The following GPHN variants were observed in gnomAD, a reference collection of about 807,000 sequenced individuals.
GPHN encodes the protein gephyrin.
A neutral mutation model predicts 95.5 loss-of-function variants in GPHN; 17 were observed. The ratio of observed to expected loss-of-function variants is 0.18; its 90% CI spans 0.12 to 0.27. The LOEUF is 0.27. Among genes scored for constraint, GPHN ranks in the 10% least tolerant of loss-of-function variants. The pLI, the probability that GPHN is intolerant of heterozygous loss-of-function variation, is 1.00. For synonymous variants in GPHN, 320 were observed against 322.5 expected (o/e 0.99, Z 0.08); for missense variants, 660 against 978.1 (o/e 0.67, Z 4.34).
chr14:67,591,450 GGTCA>G, the GPHN span, among the ~76,000 whole-genome samples: 1 of 152,106 alleles, frequency 6.6e-6, no homozygotes, highest in African/African-American at 2.4e-5. Context: ...TTGTGAAAAA[GGTCA>G]GTGAGGCAGG....
At chr14:67,456,602 C>CA in the GPHN span, among the ~76,000 whole-genome samples, 6,379 of 83,820 alleles carry the variant, frequency 0.076, 425 homozygotes, top group African/African-American at 0.21. Flanking sequence ...AACTCCATCT[C>CA]AAAAAAAAAA....
chr14:67,725,666 C>T, the GPHN span, among the ~76,000 whole-genome samples: 1 of 152,228 alleles, frequency 6.6e-6, no homozygotes, highest in African/African-American at 2.4e-5. Context: ...GAGGGACATC[C>T]TGGGACCATG....
At chr14:66,896,724 T>C (rs571441520) in intron 5 of GPHN, among the ~76,000 whole-genome samples, 1 of 151,848 alleles carries the variant, frequency 6.6e-6, no homozygotes, top group South Asian at 2.1e-4. Context: ...GGACGGAGTA[T>C]ACAACTTCCA....
At chr14:67,035,858 A>C (rs1182147118) in intron 10 of GPHN, among the ~76,000 whole-genome samples, 4 of 151,962 alleles carry the variant, frequency 2.6e-5, no homozygotes, top group African/African-American at 9.7e-5. Flanking sequence ...GTTCTTCTCA[A>C]AATATTCCAA....
chr14:67,199,722 C>G, the GPHN span: 3 of 1,581,652 alleles, frequency 1.9e-6, no homozygotes, highest in Admixed American at 1.7e-5. Flanking sequence ...CCCTCTGCCC[C>G]CAATCCTGTG....
the GPHN span, among the ~76,000 whole-genome samples, chr14:67,456,327 C>T: frequency 6.5e-4 from 99 of 152,272 alleles, no homozygotes; most frequent in Non-Finnish European, 1.1e-3. Flanking sequence ...AGGCCAGGCA[C>T]GGTGGCTCAC....
chr14:66,561,278 C>T (rs528958140), intron 1 of GPHN, among the ~76,000 whole-genome samples: 1 of 152,256 alleles, frequency 6.6e-6, no homozygotes, highest in East Asian at 1.9e-4. Flanking sequence ...GGAGGATTCC[C>T]TCTTTTTCTA....
chr14:67,701,528 A>G, the GPHN span, among the ~76,000 whole-genome samples: 1 of 139,434 alleles, frequency 7.2e-6, no homozygotes, highest in Admixed American at 8.0e-5. Context: ...GGTTCAAGTG[A>G]TTCTCCCGCC....
At chr14:67,615,488 G>A in the GPHN span, 1 of 382,682 alleles carries the variant, frequency 2.6e-6, no homozygotes, top group East Asian at 5.8e-5. Context: ...CTAGACATAG[G>A]CAAAGGAGAT....
intron 18 of GPHN, among the ~76,000 whole-genome samples, chr14:67,157,545 C>T (rs2081668008): frequency 6.6e-6 from 1 of 152,136 alleles, no homozygotes; most frequent in East Asian, 1.9e-4. Flanking sequence ...AGAAACTGGC[C>T]AGATGCGGTT....
chr14:67,204,022 T>G, the GPHN span, among the ~76,000 whole-genome samples: 2 of 152,010 alleles, frequency 1.3e-5, no homozygotes, highest in Admixed American at 6.6e-5. Flanking sequence ...CATTCAGACG[T>G]TTTTATACAT....
chr14:67,243,323 G>C, the GPHN span, among the ~76,000 whole-genome samples: 1 of 151,412 alleles, frequency 6.6e-6, no homozygotes, highest in Non-Finnish European at 1.5e-5. Context: ...GACTAGCTGG[G>C]ACTACAGGTG....
At chr14:67,663,455 T>C in the GPHN span, among the ~76,000 whole-genome samples, 1 of 151,978 alleles carries the variant, frequency 6.6e-6, no homozygotes, top group Non-Finnish European at 1.5e-5. Flanking sequence ...GGGCGGATCA[T>C]GAGGTCAGGA....
At chr14:67,224,988 A>C in the GPHN span, 17 of 736,574 alleles carry the variant, frequency 2.3e-5, no homozygotes, top group East Asian at 4.6e-4. Flanking sequence ...ATCTGAATTT[A>C]ATATTCAAAA....
At chr14:67,450,027 A>C in the GPHN span, 1 of 153,650 alleles carries the variant, frequency 6.5e-6, no homozygotes. Flanking sequence ...GTGCCATTGC[A>C]CTCCAGCCTG....
chr14:66,904,521 G>A (rs1029764258), intron 5 of GPHN, among the ~76,000 whole-genome samples: 2 of 152,166 alleles, frequency 1.3e-5, no homozygotes, highest in Non-Finnish European at 2.9e-5. Context: ...TCTAGCTACA[G>A]AGTACTGACT....
the GPHN span, chr14:67,574,419 G>T: frequency 4.0e-6 from 6 of 1,509,670 alleles, no homozygotes; most frequent in East Asian, 1.2e-4. The surrounding 1 kb of genome is among the most constrained non-coding windows in gnomAD (Gnocchi z 4.2). Context: ...GGGTGGGGCT[G>T]ATAGGGCAGG....
chr14:67,180,346 A>G (rs189802797), intron 22 of GPHN, among the ~76,000 whole-genome samples: 1 of 152,334 alleles, frequency 6.6e-6, no homozygotes, highest in East Asian at 1.9e-4. Flanking sequence ...CCTACTTAGC[A>G]GGACCCTAGG....
At chr14:67,338,437 C>A in the GPHN span, 1 of 622,550 alleles carries the variant, frequency 1.6e-6, no homozygotes, top group Non-Finnish European at 2.6e-6. Context: ...CTCTTTCATC[C>A]ATGATAAATG....
Sources: allele counts gnomAD v4.1 joint callset (sites outside exome capture counted in the v4.1 genomes callset), GRCh38; gene constraint gnomAD v4.1.1; non-coding constraint Gnocchi (gnomAD v3.1); transcripts MANE v1.5; gene names NCBI Gene and HGNC (gene_info 2026-07-23, HGNC 2026-07-21).